The following MYOM1 variants were observed in gnomAD, a reference collection of about 807,000 sequenced individuals.
MYOM1 encodes myomesin 1, also known as myomesin-1.
Under a neutral mutation model 205.3 loss-of-function variants are expected in MYOM1, and 164 were observed. That is an observed-to-expected ratio of 0.80 (90% CI 0.70 to 0.91). MYOM1 has a LOEUF of 0.91. Among genes scored for constraint, MYOM1 ranks in the 40% least tolerant of loss-of-function variants. The pLI is 0.00. For missense variants in MYOM1, 2,011 were observed against 2,127.3 expected (o/e 0.95, Z 1.08); for synonymous variants, 772 against 789.4 (o/e 0.98, Z 0.37).
chr18:3,155,940 G>A (rs1191240098), intron 10 of MYOM1, among the ~76,000 whole-genome samples: 1 of 152,174 alleles, frequency 6.6e-6, no homozygotes, highest in African/African-American at 2.4e-5. Flanking sequence ...GAACTCCAAT[G>A]CAATACTCAC....
rs144019145 is a variant in MYOM1 at position 3,100,252 on chromosome 18, A to G, written c.3683-49T>C. 1.4e-3 allele frequency: 2,212 copies of G among 1,613,292 alleles called. 30 individuals are homozygous for G. In the African/African-American group the frequency reaches 0.024, roughly 18 times the overall value. On this transcript the variant is annotated intron_variant, in intron 24 of 37. Transcript: ENST00000356443. ...TTAAACCTTAAACTACTAAAATAAA[A>G]GTCACTTAAGAATAACTGAGAATTC...
At chr18:3,155,178 A>G in intron 10 of MYOM1, 90 bp from the exon 11 acceptor site, 1 of 1,283,266 alleles carries the variant, frequency 7.8e-7, no homozygotes, top group Non-Finnish European at 1.0e-6. Flanking sequence ...TTACCACATC[A>G]TCACAGTGGC....
At chr18:3,192,973 T>C (rs180984908) in intron 3 of MYOM1, among the ~76,000 whole-genome samples, 3 of 151,900 alleles carry the variant, frequency 2.0e-5, no homozygotes. Context: ...GGTTTTTTTT[T>C]AAAAGTTCAC....
At position 3,197,685 on chromosome 18, in the gene MYOM1, A is replaced by G. The variant is rs552745304; in HGVS notation, c.291-3727T>C. Among the ~76,000 whole-genome samples the G allele has an allele frequency of 2.5e-4, 38 of 151,872 alleles. No individual in the cohort carries two copies. In the South Asian group the frequency reaches 3.3e-3, roughly 13 times the overall value. On this transcript the variant is annotated intron_variant, in intron 2 of 37. Coordinates refer to ENST00000356443, the MANE Select transcript of MYOM1 (RefSeq NM_003803.4). ...TCAGGAGATCGAGACCATCCTAGCT[A>G]ACATGGTGAAACCCCGTCTTTACTA...
chr18:3,159,961 G>C (rs1282327856), intron 10 of MYOM1, among the ~76,000 whole-genome samples: 2 of 124,138 alleles, frequency 1.6e-5, no homozygotes, highest in African/African-American at 3.1e-5. Context: ...TTCCTTCCCT[G>C]CCTGCCTTCC....
chr18:3,124,217 G>C (rs149983416), intron 19 of MYOM1, among the ~76,000 whole-genome samples: 1 of 151,082 alleles, frequency 6.6e-6, no homozygotes, highest in African/African-American at 2.5e-5. Context: ...TGGGAAGCAC[G>C]AACACAGACT....
At chr18:3,216,356 A>C (rs928376654) in intron 1 of MYOM1, among the ~76,000 whole-genome samples, 12 of 152,222 alleles carry the variant, frequency 7.9e-5, no homozygotes, top group Non-Finnish European at 1.8e-4. Context: ...TGTACAGTCT[A>C]CTGCAGGAGA....
In MYOM1 at chr18:3,068,442, TTG is replaced by T. The variant is rs544249847; in HGVS notation, c.4765-889_4765-888del. Among the ~76,000 whole-genome samples, 385 of 152,210 alleles carry T rather than the reference TTG, an allele frequency of 2.5e-3. 5 individuals carry two copies. The highest frequency in any genetic ancestry group is 8.9e-3 in the African/African-American group (370 of 41,538). On this transcript the variant is annotated intron_variant, in intron 37 of 37. Transcript: ENST00000356443. ...TAATTTTACTGGTGCTTATTTGTGT[TTG>T]TGTGTGTTTCATTCTATTCAATTTA...
At position 3,164,426 on chromosome 18, in the gene MYOM1, A is replaced by G. The variant is rs1416291735; in HGVS notation, c.1353T>C (p.Ser451=). ...AAAGTGTTTGCACCCATTTTGATGGAGAAAGAGGTACTCCTAGAAATATTT... is the reference window on the plus strand; with the variant it reads ...AAAGTGTTTGCACCCATTTTGATGGGGAAAGAGGTACTCCTAGAAATATTT... ...IQWYRNGVPL[S]PSKWVQTLWS... is the part of the protein sequence containing the mutation. Residue 451 remains serine (S), a synonymous_variant, in exon 10 of 38, where the codon TCT becomes TCC. Coordinates refer to ENST00000356443, the MANE Select transcript of MYOM1 (RefSeq NM_003803.4). The G allele has an allele frequency of 6.2e-7, 1 of 1,600,064 alleles. No individual in the cohort carries two copies. Among genetic ancestry groups the G allele is most frequent in the Admixed American group, 1.8e-5 (1 of 56,704 alleles).
intron 14 of MYOM1, among the ~76,000 whole-genome samples, chr18:3,137,719 G>C (rs1185026306): frequency 6.6e-6 from 1 of 152,130 alleles, no homozygotes; most frequent in Non-Finnish European, 1.5e-5. Context: ...AATACAATTA[G>C]AAGAAATAAG....
chr18:3,220,981 T>C (rs573451024), upstream of MYOM1, among the ~76,000 whole-genome samples: 1 of 152,344 alleles, frequency 6.6e-6, no homozygotes, highest in East Asian at 1.9e-4. Flanking sequence ...GTTCTGACAG[T>C]GATATTACAT....
rs202226871 is a variant in MYOM1 at position 3,087,484 on chromosome 18, C to T, written c.4138-1333G>A. Among the ~76,000 whole-genome samples the T allele has an allele frequency of 2.8e-3, 408 of 144,628 alleles. 3 individuals are homozygous for T. Among genetic ancestry groups the T allele is most frequent in the Non-Finnish European group, 3.5e-3 (236 of 66,596 alleles). The allele number at this position is 144,628 out of a possible 152,430, so 94.9% of individuals were successfully genotyped here. ...AGTGTGCAAGCTAGGGTTCCTCCTA[C>T]GTTCTTTTTTTTTTTTTTTTTTTGA... On this transcript the variant is annotated intron_variant, in intron 29 of 37. Coordinates refer to ENST00000356443, the MANE Select transcript of MYOM1 (RefSeq NM_003803.4).
chr18:3,173,584 G>A (rs1458912388), intron 8 of MYOM1, among the ~76,000 whole-genome samples: 3 of 119,882 alleles, frequency 2.5e-5, no homozygotes, highest in Non-Finnish European at 5.3e-5. Context: ...GTGTGTGTGT[G>A]TGTGTGTGTG....
chr18:3,189,156 G>C lies in MYOM1; in HGVS notation c.432-69C>G. 5.6e-6 allele frequency: 8 copies of C among 1,428,112 alleles called. No individual in the cohort carries two copies. The highest frequency in any genetic ancestry group is 7.7e-6 in the Non-Finnish European group (8 of 1,045,604). The allele number at this position is 1,428,112 out of a possible 1,614,324, so 88.5% of individuals were successfully genotyped here. On this transcript the variant is annotated intron_variant, in intron 3 of 37. Transcript: ENST00000356443. This position sits in a 1 kb window ranked among gnomAD's most constrained non-coding sequence, Gnocchi z 4.8. The stretch of plus-strand genomic sequence containing the variant: ...TGATAAGATTGAGTAATTTTACTAA[G>C]TTCAAAGTACCACATCTCAGACACT...
chr18:3,173,946 G>A lies in MYOM1; in HGVS notation c.1166C>T (p.Pro389Leu), dbSNP rs1412299633. 6.2e-7 allele frequency: 1 copy of A among 1,613,402 alleles called. No homozygotes were observed. The highest frequency in any genetic ancestry group is 1.1e-5 in the South Asian group (1 of 91,058). ...TGTGTTTTTAAACTTACAGCTGAGG[G>A]GCATGGTGGAAGCCCCAGCGTGGAA... ...TRFHAGASTMPLSFGVTPYGY... is the reference protein window; with the variant it reads ...TRFHAGASTMLLSFGVTPYGY... The change falls in exon 8 of 38, where the codon CCC becomes CTC. Residue 389 changes from proline to leucine, a missense_variant. Coordinates refer to ENST00000356443, the MANE Select transcript of MYOM1 (RefSeq NM_003803.4).
chr18:3,143,945 A>G (rs2080087085), intron 13 of MYOM1, among the ~76,000 whole-genome samples: 1 of 148,996 alleles, frequency 6.7e-6, no homozygotes, highest in Non-Finnish European at 1.5e-5. Flanking sequence ...GGTGGCTCAC[A>G]CCTGTAATCC....
chr18:3,186,802 G>GAAAGAGAA (rs1555628121), intron 5 of MYOM1, among the ~76,000 whole-genome samples: 3 of 138,788 alleles, frequency 2.2e-5, no homozygotes, highest in South Asian at 2.3e-4. Context: ...AAGAAAGAAA[G>GAAAGAGAA]AGAAAGAAAG....
At chr18:3,097,806 G>A (rs987562466) in intron 25 of MYOM1, among the ~76,000 whole-genome samples, 3 of 152,212 alleles carry the variant, frequency 2.0e-5, no homozygotes, top group African/African-American at 7.2e-5. Flanking sequence ...ACCCTCTCTC[G>A]TAGCACCAAT....
chr18:3,130,045 TTTC>T (rs1335922414), intron 17 of MYOM1, among the ~76,000 whole-genome samples: 1 of 152,006 alleles, frequency 6.6e-6, no homozygotes, highest in Admixed American at 6.6e-5. Flanking sequence ...CTTCGTTTTC[TTTC>T]TTCTTTTTTT....
Sources: gnomAD v4.1 joint callset for allele counts (sites outside exome capture counted in the v4.1 genomes callset) on GRCh38, gnomAD v4.1.1 for gene constraint, Gnocchi (gnomAD v3.1) non-coding constraint, MANE v1.5 for transcripts, NCBI Gene and HGNC (gene_info 2026-07-23, HGNC 2026-07-21) for gene names.